Variants in F2 observed in about 807,000 individuals in gnomAD.
F2 encodes the protein coagulation factor II, thrombin, also known as prothrombin.
Under a neutral mutation model 81.9 loss-of-function variants are expected in F2, and 34 were observed. The observed-to-expected ratio is 0.42, with a 90% CI of 0.32 to 0.55. The LOEUF is 0.55. Among genes scored for constraint, F2 ranks in the 20% least tolerant of loss-of-function variants. The probability of loss-of-function intolerance (pLI) is 0.18; values close to 1 mark genes in which losing one functional copy is unlikely to be tolerated. For missense variants in F2, 630 were observed against 833.4 expected, an observed-to-expected ratio of 0.76 and a Z score of 3.00; for synonymous variants, 296 against 326.4, an observed-to-expected ratio of 0.91 and a Z score of 1.01.
chr11:46,719,602 G>T lies in F2; in HGVS notation c.80-100G>T. 6.8e-7 allele frequency: 1 copy of T among 1,472,388 alleles called. No homozygotes were observed. The allele number at this position is 1,472,388 out of a possible 1,614,324, so 91.2% of individuals were successfully genotyped here. The stretch of plus-strand genomic sequence containing the variant: ...CCACCAGCCCAGACAGCCTCTCTCA[G>T]AAGCCAGCAGGGGAGGGTGGGCTTG... On this transcript the variant is annotated intron_variant, in intron 1 of 13. Transcript: ENST00000311907. The surrounding 1 kb of genome is among the most constrained non-coding windows in gnomAD (Gnocchi z 4.7).
At position 46,729,448 on chromosome 11, in the gene F2, A is replaced by G. The variant is rs144011338; in HGVS notation, c.1541A>G (p.Asn514Ser). The G allele has an allele frequency of 2.8e-4, 456 of 1,614,160 alleles. 1 individual carries two copies. Among genetic ancestry groups the G allele is most frequent in the Admixed American group, 1.7e-3 (100 of 60,022 alleles). Reference protein sequence around the residue: ...WGNLKETWTANVGKGQPSVLQ... With the variant: ...WGNLKETWTASVGKGQPSVLQ... ...AACCTGAAGGAGACGTGGACAGCCA[A>G]CGTTGGTAAGGGGCAGCCCAGTGTC... Residue 514 changes from asparagine to serine, a missense_variant, in exon 12 of 14, where the codon AAC (asparagine) becomes AGC (serine). Asn to Ser is a conservative substitution (Grantham distance 46). Coordinates refer to ENST00000311907, the MANE Select transcript of F2 (RefSeq NM_000506.5).
At chr11:46,722,807 G>A (rs3136446) in intron 4 of F2, among the ~76,000 whole-genome samples, 10,050 of 152,244 alleles carry the variant, frequency 0.066, 391 homozygotes, top group Non-Finnish European at 0.09. Context: ...AGACCCAGAG[G>A]CATGAGAAGC....
At chr11:46,724,351 TG>T (rs2064858261) in intron 6 of F2, among the ~76,000 whole-genome samples, 1 of 152,134 alleles carries the variant, frequency 6.6e-6, no homozygotes, top group Non-Finnish European at 1.5e-5. Context: ...CCTGGCTGGG[TG>T]GCTCTGATTC....
chr11:46,732,252 C>G (rs1216810711), intron 12 of F2, among the ~76,000 whole-genome samples: 2 of 152,050 alleles, frequency 1.3e-5, no homozygotes, highest in Non-Finnish European at 2.9e-5. Context: ...TCAAAACCTT[C>G]TCCCAACTAG....
chr11:46,721,108 G>A (rs1485362900), intron 4 of F2, among the ~76,000 whole-genome samples: 4 of 151,930 alleles, frequency 2.6e-5, no homozygotes, highest in Admixed American at 2.6e-4. Context: ...GCAGTGGCAC[G>A]ATCTTGGCTC....
Position 46,728,831 on chromosome 11 carries a change from C to T in F2, c.1466C>T (p.Ala489Val), listed in dbSNP as rs2064892769. The T allele has an allele frequency of 6.2e-7, 1 of 1,613,756 alleles. No individual in the cohort carries two copies. Among genetic ancestry groups the T allele is most frequent in the Non-Finnish European group, 8.5e-7 (1 of 1,180,026 alleles). The change falls in exon 11 of 14, where the codon GCA becomes GTA. Residue 489 changes from alanine (A) to valine (V), a missense_variant. Coordinates refer to ENST00000311907, the MANE Select transcript of F2 (RefSeq NM_000506.5). The surrounding 1 kb of genome is among the most constrained non-coding windows in gnomAD (Gnocchi z 5.1). ...GTGTGTCTGCCCGACAGGGAGACGGCAGCCAGGTGGGCCACCAGATGCTTG... is the reference window on the plus strand; with the variant it reads ...GTGTGTCTGCCCGACAGGGAGACGGTAGCCAGGTGGGCCACCAGATGCTTG... ...HPVCLPDRET[A>V]ASLLQAGYKG... is the part of the protein sequence containing the mutation.
In F2 at chr11:46,726,645, G is replaced by C. The variant is rs372168589; in HGVS notation, c.1003+19G>C. On this transcript the variant is annotated intron_variant, in intron 8 of 13. Coordinates refer to ENST00000311907, the MANE Select transcript of F2 (RefSeq NM_000506.5). This position sits in a 1 kb window ranked among gnomAD's most constrained non-coding sequence, Gnocchi z 5.9. Reference sequence around the variant, plus strand: ...GAGGCAGGTGAGGTAGTGGGCATCCGAGGGGATGCGGGGCTGCGGGGCTGG... The same window carrying C: ...GAGGCAGGTGAGGTAGTGGGCATCCCAGGGGATGCGGGGCTGCGGGGCTGG... 1.0e-4 allele frequency: 169 copies of C among 1,613,484 alleles called. No individual in the cohort carries two copies. Among genetic ancestry groups the C allele is most frequent in the Non-Finnish European group, 1.4e-4 (162 of 1,179,520 alleles).
intron 6 of F2, among the ~76,000 whole-genome samples, 175 bp from the exon 7 acceptor site, chr11:46,725,684 C>A (rs2064867120): frequency 6.6e-6 from 1 of 152,228 alleles, no homozygotes; most frequent in Non-Finnish European, 1.5e-5. Context: ...CTCAACAAAC[C>A]TGCAAAAGTG....
chr11:46,726,419 C>T lies in F2; in HGVS notation c.875-79C>T, dbSNP rs535288799. 1.6e-4 allele frequency: 258 copies of T among 1,566,590 alleles called. 2 individuals are homozygous for T. The South Asian group carries it at 2.4e-3, about 15-fold the overall frequency. On this transcript the variant is annotated intron_variant, in intron 7 of 13. Coordinates refer to ENST00000311907, the MANE Select transcript of F2 (RefSeq NM_000506.5). This position sits in a 1 kb window ranked among gnomAD's most constrained non-coding sequence, Gnocchi z 5.9. ...TCTGCACCAAATGGCCTCCAAGGCCCGTAGGGGAATTGGGGGGATCTAGGG... is the reference window on the plus strand; with the variant it reads ...TCTGCACCAAATGGCCTCCAAGGCCTGTAGGGGAATTGGGGGGATCTAGGG...
In F2 at chr11:46,726,347, C is replaced by T. The variant is rs1442121831; in HGVS notation, c.875-151C>T. ...TTTCACAGATAAGTACACTGAGGCC[C>T]CAGGAGGTTATTGCCTAGTAGCCCA... On this transcript the variant is annotated intron_variant, in intron 7 of 13. Coordinates refer to ENST00000311907, the MANE Select transcript of F2 (RefSeq NM_000506.5). The surrounding 1 kb of genome is among the most constrained non-coding windows in gnomAD (Gnocchi z 5.9). 6.9e-7 allele frequency: 1 copy of T among 1,457,728 alleles called. No individual in the cohort carries two copies. The highest frequency in any genetic ancestry group is 9.3e-7 in the Non-Finnish European group (1 of 1,070,216). The allele number at this position is 1,457,728 out of a possible 1,614,324, so 90.3% of individuals were successfully genotyped here. A position where few individuals can be genotyped will look rare whatever the true frequency, so the allele number is the denominator to read the frequency against.
Position 46,739,394 on chromosome 11 carries a change from C to G in F2, c.1855C>G (p.Gln619Glu). The stretch of plus-strand genomic sequence containing the variant: ...GAAGTGGATACAGAAGGTCATTGAT[C>G]AGTTTGGAGAGTAGGGGGCCACTCA... ...LKKWIQKVID[Q>E]FGE is the part of the protein sequence containing the mutation. The change falls in exon 14 of 14, where the codon CAG (glutamine) becomes GAG (glutamate). Residue 619 changes from glutamine (Q) to glutamate (E), a missense_variant. Physicochemically the swap from Gln to Glu is conservative, Grantham distance 29. Coordinates refer to ENST00000311907, the MANE Select transcript of F2 (RefSeq NM_000506.5). 4 of 1,614,082 alleles carry G rather than the reference C, an allele frequency of 2.5e-6. No homozygotes were observed. The South Asian group carries it at 4.4e-5, about 18-fold the overall frequency.
At chr11:46,722,700 A>C (rs1356640627) in intron 4 of F2, among the ~76,000 whole-genome samples, 1 of 152,244 alleles carries the variant, frequency 6.6e-6, no homozygotes. Context: ...AAAATGAGAG[A>C]TGGCTTCCCA....
rs771364258 is a variant in F2, at chr11:46,739,445, C to T, written c.*37C>T. 1.5e-5 allele frequency: 24 copies of T among 1,612,742 alleles called. No homozygotes were observed. The highest frequency in any genetic ancestry group is 4.0e-5 in the African/African-American group (3 of 74,846). ...TATTCTGGGCTCCTGGAACCAATCC[C>T]GTGAAAGAATTATTTTTGTGTTTCT... On this transcript the variant is annotated 3_prime_UTR_variant, in exon 14 of 14. Transcript: ENST00000311907.
At chr11:46,738,588 C>G (rs1044291172) in intron 12 of F2, among the ~76,000 whole-genome samples, 1 of 152,130 alleles carries the variant, frequency 6.6e-6, no homozygotes, top group East Asian at 1.9e-4. Context: ...ATCCTCCTCT[C>G]TTAGCCTCCC....
intron 12 of F2, among the ~76,000 whole-genome samples, chr11:46,738,639 A>G (rs1437467414): frequency 6.6e-6 from 1 of 151,748 alleles, no homozygotes; most frequent in Non-Finnish European, 1.5e-5. Context: ...ATGCCCAGCT[A>G]ATTTTTTGTA....
In F2 at chr11:46,719,402, G is replaced by T; in HGVS notation, c.79+88G>T. 1 of 1,461,784 alleles carries T rather than the reference G, an allele frequency of 6.8e-7. No individual in the cohort carries two copies. Among genetic ancestry groups the T allele is most frequent in the East Asian group, 2.4e-5 (1 of 40,972 alleles). The allele number at this position is 1,461,784 out of a possible 1,614,324, so 90.6% of individuals were successfully genotyped here. On this transcript the variant is annotated intron_variant, in intron 1 of 13. Transcript: ENST00000311907. This position sits in a 1 kb window ranked among gnomAD's most constrained non-coding sequence, Gnocchi z 4.7. ...GTCTCCTGGCTGGACAGAGCACACA[G>T]AGCTGGCCCCTAAGTAGGTCTCAGC... is the stretch of plus-strand genomic sequence containing the variant.
At chr11:46,738,241 C>T (rs3136509) in intron 12 of F2, among the ~76,000 whole-genome samples, 2,969 of 151,996 alleles carry the variant, frequency 0.02, 101 homozygotes, top group African/African-American at 0.068. Flanking sequence ...CTTCATGATC[C>T]GCCCGCCTTG....
Position 46,726,959 on chromosome 11 carries a change from T to C in F2, c.1130+122T>C. The stretch of plus-strand genomic sequence containing the variant: ...GATGACAACAGCTGAGCATCCAGGA[T>C]CCCACCAACTCCACACAGCAGCCAC... On this transcript the variant is annotated intron_variant, in intron 9 of 13. Transcript: ENST00000311907. The surrounding 1 kb of genome is among the most constrained non-coding windows in gnomAD (Gnocchi z 5.9). 2.1e-6 allele frequency: 3 copies of C among 1,446,220 alleles called. No homozygotes were observed. In the African/African-American group the frequency reaches 4.2e-5, roughly 20 times the overall value. 89.6% of individuals were successfully genotyped at this position (1,446,220 alleles called of 1,614,324 possible). A position where few individuals can be genotyped will look rare whatever the true frequency, so the allele number is the denominator to read the frequency against.
At chr11:46,727,166 C>T (rs555276593) in intron 9 of F2, among the ~76,000 whole-genome samples, 24 of 152,292 alleles carry the variant, frequency 1.6e-4, no homozygotes. Flanking sequence ...AATTTACAGA[C>T]ATGCGCCACC....
Sources: gnomAD v4.1 joint callset for allele counts (sites outside exome capture counted in the v4.1 genomes callset) on GRCh38, gnomAD v4.1.1 for gene constraint, Gnocchi (gnomAD v3.1) non-coding constraint, MANE v1.5 for transcripts, NCBI Gene and HGNC (gene_info 2026-07-23, HGNC 2026-07-21) for gene names.